FNDC1: variants seen among roughly 807,000 people sequenced by gnomAD.
The protein encoded by FNDC1 is fibronectin type III domain-containing protein 1.
FNDC1 carries 96 observed loss-of-function variants against 168.0 expected under a neutral mutation model. That is an observed-to-expected ratio of 0.57 (90% CI 0.48 to 0.68). FNDC1 has a LOEUF of 0.68. Ranked by LOEUF, FNDC1 falls within the 30% of genes least tolerant of loss-of-function variation. FNDC1 has a pLI of 0.00. For synonymous variants in FNDC1, 1,099 were observed against 1,025.9 expected (o/e 1.07, Z -1.36); for missense variants, 2,587 against 2,482.1 (o/e 1.04, Z -0.90).
Position 159,232,215 on chromosome 6 carries a change from C to A in FNDC1, c.1703C>A (p.Pro568Gln), listed in dbSNP as rs1461869313. ...CAAGACCAGAAACGGACCCTGAGGC[C>A]GCCAAGTAGACACGGCCACTCGGTG... ...DTQDQKRTLR[P>Q]PSRHGHSVVA... The change falls in exon 11 of 23, where the codon CCG (proline) becomes CAG (glutamine). Residue 568 changes from proline (P) to glutamine (Q), a missense_variant. Pro to Gln is a moderately conservative substitution (Grantham distance 76). Coordinates refer to ENST00000297267, the MANE Select transcript of FNDC1 (RefSeq NM_032532.3). This position sits in a 1 kb window ranked among gnomAD's most constrained non-coding sequence, Gnocchi z 4.9. The A allele has an allele frequency of 6.2e-7, 1 of 1,613,100 alleles. No homozygotes were observed. Among genetic ancestry groups the A allele is most frequent in the Non-Finnish European group, 8.5e-7 (1 of 1,179,612 alleles).
At position 159,223,549 on chromosome 6, in the gene FNDC1, C is replaced by T; in HGVS notation, c.788C>T (p.Pro263Leu). Residue 263 changes from proline to leucine, a missense_variant, in exon 7 of 23, where the codon CCT becomes CTT. Coordinates refer to ENST00000297267, the MANE Select transcript of FNDC1 (RefSeq NM_032532.3). ...TCAGAAGAGGACGAATTGGATGTAC[C>T]TGACGACATCAGCGTCCGGGTTATG... ...KISEEDELDV[P>L]DDISVRVMSS... is the part of the protein sequence containing the mutation. The T allele has an allele frequency of 6.2e-7, 1 of 1,613,356 alleles. No individual in the cohort carries two copies. Among genetic ancestry groups the T allele is most frequent in the Non-Finnish European group, 8.5e-7 (1 of 1,179,466 alleles).
At chr6:159,172,123 T>C (rs568002661) in intron 1 of FNDC1, among the ~76,000 whole-genome samples, 6 of 152,278 alleles carry the variant, frequency 3.9e-5, no homozygotes, top group African/African-American at 1.4e-4. Flanking sequence ...TTTTACCAAA[T>C]CTTTGTATCT....
intron 1 of FNDC1, among the ~76,000 whole-genome samples, chr6:159,193,162 A>G (rs1782173410): frequency 1.3e-5 from 2 of 151,688 alleles, no homozygotes; most frequent in Admixed American, 1.3e-4. Flanking sequence ...TTTTTAATGG[A>G]GTTAATCACC....
intron 4 of FNDC1, among the ~76,000 whole-genome samples, chr6:159,206,928 G>A (rs964443800): frequency 6.6e-6 from 1 of 152,160 alleles, no homozygotes; most frequent in Admixed American, 6.5e-5. Flanking sequence ...TTCATCCGGT[G>A]CTCGTTTCAA....
intron 14 of FNDC1, among the ~76,000 whole-genome samples, chr6:159,242,251 A>C (rs1434618382): frequency 6.6e-6 from 1 of 152,248 alleles, no homozygotes; most frequent in Non-Finnish European, 1.5e-5. Context: ...TAAACACCGC[A>C]TGTTGTCACT....
At chr6:159,255,400 G>T (rs1024476926) in intron 17 of FNDC1, among the ~76,000 whole-genome samples, 1 of 152,084 alleles carries the variant, frequency 6.6e-6, no homozygotes, top group Non-Finnish European at 1.5e-5. Context: ...GAAGCTCTTT[G>T]TGTCCTCCAT....
intron 6 of FNDC1, among the ~76,000 whole-genome samples, chr6:159,222,325 T>G (rs1479632111): frequency 1.3e-5 from 2 of 152,232 alleles, no homozygotes; most frequent in Non-Finnish European, 2.9e-5. Flanking sequence ...ATGAAAGTTA[T>G]ACTTTTTTAC....
chr6:159,190,598 G>A (rs1278469213), intron 1 of FNDC1, among the ~76,000 whole-genome samples: 3 of 152,216 alleles, frequency 2.0e-5, no homozygotes, highest in Non-Finnish European at 2.9e-5. Flanking sequence ...GCAGGGAGAC[G>A]AGGAGGTAGG....
In FNDC1 at chr6:159,232,362, C is replaced by T. The variant is rs754321929; in HGVS notation, c.1850C>T (p.Ser617Leu). The T allele has an allele frequency of 6.2e-6, 10 of 1,613,490 alleles. No homozygotes were observed. In the East Asian group the frequency reaches 1.6e-4, roughly 25 times the overall value. ...CGCCCAGGGGCGCCCCCCTCGGCTT[C>T]GGCCTCTCCTGCCCACCACGCGTCC... ...QPRPGAPPSA[S>L]ASPAHHASTQ... is the part of the protein sequence containing the mutation. Residue 617 changes from serine to leucine, a missense_variant, in exon 11 of 23, where the codon TCG (serine) becomes TTG (leucine). Coordinates refer to ENST00000297267, the MANE Select transcript of FNDC1 (RefSeq NM_032532.3). This position sits in a 1 kb window ranked among gnomAD's most constrained non-coding sequence, Gnocchi z 4.9.
At chr6:159,236,165 G>A (rs1783251940) in intron 11 of FNDC1, 50 bp from the exon 12 acceptor site, 2 of 1,355,962 alleles carry the variant, frequency 1.5e-6, no homozygotes, top group Admixed American at 1.8e-5. Flanking sequence ...AACTTCCCGG[G>A]CATGTTGAAT....
chr6:159,232,770 C>T lies in FNDC1; in HGVS notation c.2258C>T (p.Thr753Ile), dbSNP rs1217103895. Residue 753 changes from threonine (T) to isoleucine (I), a missense_variant, in exon 11 of 23, where the codon ACC becomes ATC. Physicochemically the swap from Thr to Ile is moderately conservative, Grantham distance 89. Transcript: ENST00000297267. This position sits in a 1 kb window ranked among gnomAD's most constrained non-coding sequence, Gnocchi z 4.9. ...AAGGATGGTGAGGACGCCCCAGCCA[C>T]CAACTCCAATGCGCCATCACGGTCC... ...GGKDGEDAPA[T>I]NSNAPSRSTM... The T allele has an allele frequency of 1.2e-6, 2 of 1,613,988 alleles. No individual in the cohort carries two copies. Among genetic ancestry groups the T allele is most frequent in the Non-Finnish European group, 8.5e-7 (1 of 1,179,896 alleles).
At chr6:159,234,790 CCA>C (rs1442338788) in intron 11 of FNDC1, among the ~76,000 whole-genome samples, 1 of 152,246 alleles carries the variant, frequency 6.6e-6, no homozygotes, top group African/African-American at 2.4e-5. Flanking sequence ...GCCTCTAATT[CCA>C]CAGTCTTTTC....
intron 14 of FNDC1, among the ~76,000 whole-genome samples, chr6:159,246,695 T>G (rs1320352102): frequency 6.6e-6 from 1 of 152,184 alleles, no homozygotes; most frequent in Non-Finnish European, 1.5e-5. Context: ...TATCGCCCTT[T>G]CCTGGGCCCA....
Position 159,215,228 on chromosome 6 carries a change from A to G in FNDC1, c.667+77A>G, listed in dbSNP as rs141612069. 5.1e-5 allele frequency: 67 copies of G among 1,301,712 alleles called. No individual in the cohort carries two copies. In the African/African-American group the frequency reaches 7.6e-4, roughly 15 times the overall value. The allele number at this position is 1,301,712 out of a possible 1,614,324, so 80.6% of individuals were successfully genotyped here. A position where few individuals can be genotyped will look rare whatever the true frequency, so the allele number is the denominator to read the frequency against. On this transcript the variant is annotated intron_variant, in intron 5 of 22. Coordinates refer to ENST00000297267, the MANE Select transcript of FNDC1 (RefSeq NM_032532.3). The stretch of plus-strand genomic sequence containing the variant: ...TTCAATATTTAGAAGCTCATTCATG[A>G]CAGAGCATTATATTTTAGTTGTAAT...
Position 159,197,524 on chromosome 6 carries a change from G to A in FNDC1, c.203G>A (p.Arg68Lys). Residue 68 changes from arginine to lysine, a missense_variant, in exon 2 of 23, where the codon AGA becomes AAA. Coordinates refer to ENST00000297267, the MANE Select transcript of FNDC1 (RefSeq NM_032532.3). Reference protein sequence around the residue: ...TWDPPKDATSRPVEHYNIAYG... With the variant: ...TWDPPKDATSKPVEHYNIAYG... ...GACCCACCCAAAGATGCTACCAGTA[G>A]ACCTGTGGAGCATTACAACATTGCC... 1 of 1,614,004 alleles carries A rather than the reference G, an allele frequency of 6.2e-7. No homozygotes were observed. The highest frequency in any genetic ancestry group is 8.5e-7 in the Non-Finnish European group (1 of 1,179,852).
rs1050204840 is a variant in FNDC1, at chr6:159,239,962, C to T, written c.4621+5C>T. ...CAGAGTGCTACGCTGAAGAAGGTAA[C>T]TGCCTTTGTTCTAATGCTAACTACT... On this transcript the variant is annotated splice_donor_5th_base_variant and intron_variant, in intron 14 of 22. Transcript: ENST00000297267. 1.4e-6 allele frequency: 2 copies of T among 1,473,202 alleles called. No homozygotes were observed. The highest frequency in any genetic ancestry group is 1.8e-4 in the Middle Eastern group (1 of 5,580). The allele number at this position is 1,473,202 out of a possible 1,614,324, so 91.3% of individuals were successfully genotyped here. A position where few individuals can be genotyped will look rare whatever the true frequency, so the allele number is the denominator to read the frequency against.
intron 18 of FNDC1, among the ~76,000 whole-genome samples, chr6:159,258,859 G>A (rs539213691): frequency 1.3e-5 from 2 of 152,288 alleles, no homozygotes; most frequent in Admixed American, 1.3e-4. Flanking sequence ...CAGTCTTCAT[G>A]GGGGCTCTCT....
At chr6:159,269,865 G>A (rs536730164) in intron 22 of FNDC1, among the ~76,000 whole-genome samples, 1 of 152,018 alleles carries the variant, frequency 6.6e-6, no homozygotes, top group African/African-American at 2.4e-5. Flanking sequence ...CAATATGGAG[G>A]GTCACCTGCT....
At chr6:159,185,247 A>G (rs1024818276) in intron 1 of FNDC1, among the ~76,000 whole-genome samples, 3 of 152,226 alleles carry the variant, frequency 2.0e-5, no homozygotes, top group Non-Finnish European at 4.4e-5. Flanking sequence ...TAATTACTCA[A>G]GTCAATGGCC....
Sources: gnomAD v4.1 joint callset for allele counts (sites outside exome capture counted in the v4.1 genomes callset) on GRCh38, gnomAD v4.1.1 for gene constraint, Gnocchi (gnomAD v3.1) non-coding constraint, MANE v1.5 for transcripts, NCBI Gene and HGNC (gene_info 2026-07-23, HGNC 2026-07-21) for gene names.